The following KIAA1328 variants were observed in gnomAD, a reference collection of about 807,000 sequenced individuals.
The protein encoded by KIAA1328 is protein hinderin.
In KIAA1328, 52 loss-of-function variants were observed where a neutral mutation model predicts 68.1. The observed-to-expected ratio is 0.76, with a 90% CI of 0.61 to 0.96. KIAA1328 has a LOEUF of 0.96. Ranked by LOEUF, KIAA1328 falls within the 40% of genes least tolerant of loss-of-function variation. The probability of loss-of-function intolerance (pLI) is 0.00; values close to 1 mark genes in which losing one functional copy is unlikely to be tolerated. For missense variants in KIAA1328, 641 were observed against 677.6 expected (o/e 0.95, Z 0.60); for synonymous variants, 232 against 239.4 (o/e 0.97, Z 0.28).
chr18:36,996,755 T>C (rs1410335547), intron 6 of KIAA1328, among the ~76,000 whole-genome samples: 2 of 152,204 alleles, frequency 1.3e-5, no homozygotes, highest in African/African-American at 4.8e-5. Context: ...TTCTTTCTTT[T>C]GCTGTACTTT....
chr18:36,955,457 C>T (rs1179385033), intron 5 of KIAA1328, among the ~76,000 whole-genome samples: 3 of 151,872 alleles, frequency 2.0e-5, no homozygotes, highest in African/African-American at 7.3e-5. Context: ...TGACAGGTGC[C>T]TGCCACCACA....
At chr18:37,041,241 C>T (rs7244564) in intron 6 of KIAA1328, among the ~76,000 whole-genome samples, 90,274 of 151,588 alleles carry the variant, frequency 0.6, 28,731 homozygotes, top group East Asian at 0.87. Flanking sequence ...GTCAGACTTA[C>T]ATATATTTAT....
chr18:36,950,834 C>T (rs1009165067), intron 5 of KIAA1328, among the ~76,000 whole-genome samples: 3 of 152,120 alleles, frequency 2.0e-5, no homozygotes, highest in African/African-American at 4.8e-5. Flanking sequence ...GATTCTTACC[C>T]GAGGATGATC....
intron 5 of KIAA1328, among the ~76,000 whole-genome samples, chr18:36,922,893 C>T (rs773813151): frequency 2.7e-4 from 41 of 151,888 alleles, no homozygotes; most frequent in Non-Finnish European, 5.0e-4. Context: ...TGAGAAGAGT[C>T]TTGGTGCCTT....
chr18:36,860,945 C>T (rs1414748250), intron 4 of KIAA1328, among the ~76,000 whole-genome samples: 1 of 152,058 alleles, frequency 6.6e-6, no homozygotes, highest in Non-Finnish European at 1.5e-5. Context: ...GTTCTCTTCC[C>T]TTCCCCTAGC....
Position 37,172,967 on chromosome 18 carries a change from A to C in KIAA1328, c.1415-6A>C. On this transcript the variant is annotated splice_polypyrimidine_tract_variant and splice_region_variant and intron_variant, in intron 8 of 9. Coordinates refer to ENST00000280020, the MANE Select transcript of KIAA1328 (RefSeq NM_020776.3). ...GCCCAAATTATTTTCTTTATTTTTC[A>C]TATAGGGACAGTGACAGGAGTTAGA... 1 of 1,590,838 alleles carries C rather than the reference A, an allele frequency of 6.3e-7. No homozygotes were observed. The highest frequency in any genetic ancestry group is 8.6e-7 in the Non-Finnish European group (1 of 1,167,914).
At chr18:36,920,602 A>T (rs1216062298) in intron 5 of KIAA1328, among the ~76,000 whole-genome samples, 1 of 152,144 alleles carries the variant, frequency 6.6e-6, no homozygotes, top group African/African-American at 2.4e-5. Flanking sequence ...GTCCAGGTCA[A>T]CCTTTATCCT....
chr18:37,080,667 C>T (rs369232496), intron 7 of KIAA1328, among the ~76,000 whole-genome samples: 11 of 151,020 alleles, frequency 7.3e-5, no homozygotes, highest in East Asian at 6.0e-4. Flanking sequence ...CCCAGCTACT[C>T]GGGAGGCTGA....
At chr18:36,870,012 G>A (rs1004518295) in intron 4 of KIAA1328, among the ~76,000 whole-genome samples, 5 of 151,914 alleles carry the variant, frequency 3.3e-5, no homozygotes, top group East Asian at 3.9e-4. Context: ...ACAGGTGCGC[G>A]CCACCACGTC....
chr18:37,129,062 T>A (rs1465029075), intron 7 of KIAA1328, among the ~76,000 whole-genome samples: 1 of 152,164 alleles, frequency 6.6e-6, no homozygotes, highest in Non-Finnish European at 1.5e-5. Context: ...GATGGAAGTA[T>A]TTTGTACCTT....
intron 5 of KIAA1328, among the ~76,000 whole-genome samples, chr18:36,890,287 C>T (rs2048639558): frequency 1.3e-5 from 2 of 148,486 alleles, no homozygotes; most frequent in Non-Finnish European, 1.5e-5. Flanking sequence ...TGAAACTTAA[C>T]TTGGCATATC....
chr18:36,853,647 CT>C (rs910137783), intron 4 of KIAA1328, among the ~76,000 whole-genome samples: 7 of 151,626 alleles, frequency 4.6e-5, no homozygotes, highest in African/African-American at 1.2e-4. Context: ...ACACTGTGTG[CT>C]TTTTTTTATT....
chr18:37,167,457 A>G (rs1045188428), intron 8 of KIAA1328, among the ~76,000 whole-genome samples: 1 of 152,002 alleles, frequency 6.6e-6, no homozygotes, highest in Non-Finnish European at 1.5e-5. Flanking sequence ...GGGGTGTCAG[A>G]AGGGGGATGG....
At chr18:36,996,134 C>A (rs934245709) in intron 6 of KIAA1328, among the ~76,000 whole-genome samples, 3 of 152,192 alleles carry the variant, frequency 2.0e-5, no homozygotes, top group Non-Finnish European at 4.4e-5. Context: ...TAGGCACACT[C>A]CTCAAACCTG....
chr18:37,067,595 C>T, intron 7 of KIAA1328, 50 bp downstream of exon 7: 1 of 1,441,694 alleles, frequency 6.9e-7, no homozygotes, highest in Non-Finnish European at 9.1e-7. Flanking sequence ...AAATCTCGCC[C>T]TGTTGCCCAG....
At chr18:36,837,769 G>C (rs547988897) in intron 3 of KIAA1328, among the ~76,000 whole-genome samples, 1 of 152,150 alleles carries the variant, frequency 6.6e-6, no homozygotes, top group South Asian at 2.1e-4. Context: ...TATATGGGGT[G>C]AGGTGGTAGT....
At chr18:37,001,804 TC>T (rs1251385711) in intron 6 of KIAA1328, among the ~76,000 whole-genome samples, 3 of 152,216 alleles carry the variant, frequency 2.0e-5, no homozygotes, top group African/African-American at 7.2e-5. Flanking sequence ...AAATTCAACA[TC>T]CCTTCATGAT....
rs188563922 is a variant in KIAA1328 at position 37,033,911 on chromosome 18, A to G, written c.577-32979A>G. Among the ~76,000 whole-genome samples the G allele has an allele frequency of 2.4e-4, 36 of 152,344 alleles. 1 individual carries two copies. The highest frequency in any genetic ancestry group is 2.0e-3 in the Admixed American group (31 of 15,306). ...CTTCTTTCAGGGATCATATACATAC[A>G]GTGCCTGAATAGCTGAACGTATAAA... On this transcript the variant is annotated intron_variant, in intron 6 of 9. Transcript: ENST00000280020.
chr18:37,145,159 C>G (rs571769973), intron 7 of KIAA1328, among the ~76,000 whole-genome samples: 1 of 151,954 alleles, frequency 6.6e-6, no homozygotes, highest in Non-Finnish European at 1.5e-5. Flanking sequence ...GAGCCATGAT[C>G]GCACCACTGC....
Sources: gnomAD v4.1 joint callset for allele counts (sites outside exome capture counted in the v4.1 genomes callset) on GRCh38, gnomAD v4.1.1 for gene constraint, MANE v1.5 for transcripts, NCBI Gene and HGNC (gene_info 2026-07-23, HGNC 2026-07-21) for gene names.